The following MOB4 variants were observed in gnomAD, a reference collection of about 807,000 sequenced individuals.
MOB4 encodes the protein MOB-like protein phocein.
In MOB4, 4 loss-of-function variants were observed where a neutral mutation model predicts 32.2. The ratio of observed to expected loss-of-function variants is 0.12; its 90% CI spans 0.06 to 0.28. The LOEUF (loss-of-function observed/expected upper bound fraction) is 0.28. Among genes scored for constraint, MOB4 ranks in the 10% least tolerant of loss-of-function variants. MOB4 has a pLI of 1.00. For missense variants in MOB4, 158 were observed against 271.2 expected (o/e 0.58, Z 2.93); for synonymous variants, 88 against 88.1 (o/e 1.00, Z 0.01).
chr2:197,543,550 A>G (rs921296698), intron 5 of MOB4, among the ~76,000 whole-genome samples: 1 of 152,210 alleles, frequency 6.6e-6, no homozygotes, highest in Non-Finnish European at 1.5e-5. Flanking sequence ...GATACATGCT[A>G]CAACACAGAT....
At chr2:197,547,047 A>G (rs2087007263) in intron 5 of MOB4, among the ~76,000 whole-genome samples, 1 of 151,566 alleles carries the variant, frequency 6.6e-6, no homozygotes, top group African/African-American at 2.4e-5. Flanking sequence ...GGAGTTCGAG[A>G]CCAGCCTGGT....
intron 1 of MOB4, among the ~76,000 whole-genome samples, chr2:197,518,030 A>G (rs928451474): frequency 1.3e-5 from 2 of 151,594 alleles, no homozygotes; most frequent in Non-Finnish European, 2.9e-5. Flanking sequence ...AATCCCAGCC[A>G]CTCGGTAGGC....
chr2:197,538,090 A>G (rs1559321371), intron 3 of MOB4, among the ~76,000 whole-genome samples: 3 of 151,454 alleles, frequency 2.0e-5, no homozygotes, highest in South Asian at 2.1e-4. Flanking sequence ...TTTTTCCATT[A>G]CAAGCATAAT....
chr2:197,518,427 G>A (rs1228380028), intron 1 of MOB4, among the ~76,000 whole-genome samples: 1 of 151,596 alleles, frequency 6.6e-6, no homozygotes, highest in South Asian at 2.1e-4. Flanking sequence ...GTGCCACCAC[G>A]CCCAGCTAAT....
At chr2:197,530,350 C>T (rs1438537680) in intron 2 of MOB4, among the ~76,000 whole-genome samples, 4 of 151,952 alleles carry the variant, frequency 2.6e-5, no homozygotes, top group Non-Finnish European at 4.4e-5. Flanking sequence ...TTACTGCAGC[C>T]TTAAACTCCT....
chr2:197,524,809 T>C (rs959249066), intron 2 of MOB4, among the ~76,000 whole-genome samples: 1 of 151,822 alleles, frequency 6.6e-6, no homozygotes, highest in African/African-American at 2.4e-5. Context: ...CTCACCCTGT[T>C]GCCCAGGCTG....
At chr2:197,545,675 C>T (rs538634357) in intron 5 of MOB4, among the ~76,000 whole-genome samples, 2 of 152,168 alleles carry the variant, frequency 1.3e-5, no homozygotes, top group Non-Finnish European at 2.9e-5. Flanking sequence ...AAGCCAGACA[C>T]AAAATGCCAC....
chr2:197,550,610 A>G lies in MOB4; in HGVS notation c.642A>G (p.Glu214=). ...DNLIVPILEE[E]VQNSVSGESE... The stretch of plus-strand genomic sequence containing the variant: ...TGATTGTACCAATTTTAGAAGAGGA[A>G]GTACAGAATTCAGTTTCTGGGGAAA... The change falls in exon 8 of 8, where the codon GAA becomes GAG. Residue 214 remains glutamate, a synonymous_variant. Transcript: ENST00000323303. 1.9e-6 allele frequency: 3 copies of G among 1,604,300 alleles called. No individual in the cohort carries two copies. Among genetic ancestry groups the G allele is most frequent in the Non-Finnish European group, 2.5e-6 (3 of 1,177,656 alleles).
At chr2:197,529,281 AAAT>A (rs2086660683) in intron 2 of MOB4, among the ~76,000 whole-genome samples, 1 of 152,036 alleles carries the variant, frequency 6.6e-6, no homozygotes, top group South Asian at 2.1e-4. Context: ...CTTCATTTCT[AAAT>A]AATATTTTTG....
intron 3 of MOB4, among the ~76,000 whole-genome samples, chr2:197,536,849 G>A (rs561840880): frequency 5.9e-5 from 9 of 152,042 alleles, no homozygotes; most frequent in Admixed American, 2.0e-4. Flanking sequence ...GCCCGCCTCA[G>A]CCTCCCAAAG....
At position 197,550,965 on chromosome 2, in the gene MOB4, TA is replaced by T; in HGVS notation, c.*327del. Reference sequence around the variant, plus strand: ...AATCCTCATCAGACAAACCCATCTGTAAAAAAAATGAGGGAGAGCTTGAGGT... The same window carrying T: ...AATCCTCATCAGACAAACCCATCTGTAAAAAAATGAGGGAGAGCTTGAGGT... On this transcript the variant is annotated 3_prime_UTR_variant, in exon 8 of 8. Coordinates refer to ENST00000323303, the MANE Select transcript of MOB4 (RefSeq NM_015387.5). 4 of 159,538 alleles carry T rather than the reference TA, an allele frequency of 2.5e-5. No homozygotes were observed. Among genetic ancestry groups the T allele is most frequent in the Non-Finnish European group, 4.1e-5 (3 of 73,014 alleles). The allele number at this position is 159,538 out of a possible 1,614,324, so 9.9% of individuals were successfully genotyped here.
rs1270689083 is a variant in MOB4, at chr2:197,552,931, T to C, written c.*2285T>C. ...CCGAAGGTAAACTTAGGCTTTTCTT[T>C]CCAAAAGATCGTATAGTCAATTCAT... On this transcript the variant is annotated 3_prime_UTR_variant, in exon 8 of 8. Coordinates refer to ENST00000323303, the MANE Select transcript of MOB4 (RefSeq NM_015387.5). The C allele has an allele frequency of 6.6e-6, 1 of 152,228 alleles. No homozygotes were observed. The highest frequency in any genetic ancestry group is 1.5e-5 in the Non-Finnish European group (1 of 68,032). The allele number at this position is 152,228 out of a possible 1,614,324, so 9.4% of individuals were successfully genotyped here.
At chr2:197,539,989 T>C (rs2086869767) in intron 3 of MOB4, 122 bp from the exon 4 acceptor site, 2 of 1,055,950 alleles carry the variant, frequency 1.9e-6, no homozygotes. Context: ...GTTTAGGTGG[T>C]TTTGAGAATG....
intron 2 of MOB4, among the ~76,000 whole-genome samples, chr2:197,532,021 C>T (rs1260109304): frequency 2.6e-5 from 4 of 151,982 alleles, no homozygotes; most frequent in Non-Finnish European, 5.9e-5. Flanking sequence ...GTGATTCTCC[C>T]GCCTCAGTCT....
At position 197,551,979 on chromosome 2, in the gene MOB4, A is replaced by G. The variant is rs2087105941; in HGVS notation, c.*1333A>G. On this transcript the variant is annotated 3_prime_UTR_variant, in exon 8 of 8. Coordinates refer to ENST00000323303, the MANE Select transcript of MOB4 (RefSeq NM_015387.5). ...TTGAACAGATTTAACAAACATGAGG[A>G]ACTTTTTTATTTAGAAGGATAATTT... The G allele has an allele frequency of 7.0e-6, 1 of 143,778 alleles. No individual in the cohort carries two copies. The allele number at this position is 143,778 out of a possible 1,614,324, so 8.9% of individuals were successfully genotyped here. A position where few individuals can be genotyped will look rare whatever the true frequency, so the allele number is the denominator to read the frequency against.
chr2:197,543,385 G>A lies in MOB4; in HGVS notation c.354+2948G>A, dbSNP rs890331943. On this transcript the variant is annotated intron_variant, in intron 5 of 7. Transcript: ENST00000323303. ...TCTCAAAACCACAGACAGTTGGTGC[G>A]AGGGTTGTGCGTTATTGTTATGCTG... is the stretch of plus-strand genomic sequence containing the variant. Among the ~76,000 whole-genome samples the A allele has an allele frequency of 5.3e-5, 8 of 151,942 alleles. 1 individual carries two copies. Among genetic ancestry groups the A allele is most frequent in the Non-Finnish European group, 7.4e-5 (5 of 68,002 alleles).
chr2:197,516,343 C>T, intron 1 of MOB4, 197 bp downstream of exon 1: 1 of 1,425,266 alleles, frequency 7.0e-7, no homozygotes, highest in Non-Finnish European at 9.2e-7. Flanking sequence ...GCCTGCGGAG[C>T]TCCGACCCAG....
intron 6 of MOB4, among the ~76,000 whole-genome samples, chr2:197,549,622 T>A (rs1383508189): frequency 6.6e-6 from 1 of 152,106 alleles, no homozygotes; most frequent in Non-Finnish European, 1.5e-5. Context: ...CAATCTCAGC[T>A]CACTGCAACC....
At chr2:197,523,340 A>G (rs1300031342) in intron 1 of MOB4, among the ~76,000 whole-genome samples, 1 of 152,212 alleles carries the variant, frequency 6.6e-6, no homozygotes, top group Non-Finnish European at 1.5e-5. Flanking sequence ...TCCTAAGAAT[A>G]GGGTGGCTAA....
Sources: allele counts gnomAD v4.1 joint callset (sites outside exome capture counted in the v4.1 genomes callset), GRCh38; gene constraint gnomAD v4.1.1; transcripts MANE v1.5; gene names NCBI Gene and HGNC (gene_info 2026-07-23, HGNC 2026-07-21).